SYNE2: variants seen among roughly 807,000 people sequenced by gnomAD.
SYNE2 encodes spectrin repeat containing nuclear envelope protein 2, also known as nesprin-2.
Under a neutral mutation model 856.3 loss-of-function variants are expected in SYNE2, and 431 were observed. That is an observed-to-expected ratio of 0.50 (90% CI 0.47 to 0.55). The LOEUF (loss-of-function observed/expected upper bound fraction) is 0.55. Ranked by LOEUF, SYNE2 falls within the 20% of genes least tolerant of loss-of-function variation. The pLI, the probability that SYNE2 is intolerant of heterozygous loss-of-function variation, is 0.00. For missense variants in SYNE2, 8,129 were observed against 8,023.2 expected (o/e 1.01, Z -0.50); for synonymous variants, 2,923 against 2,872.3 (o/e 1.02, Z -0.56).
Position 64,048,140 on chromosome 14 carries a change from A to G in SYNE2, c.7362A>G (p.Gln2454=). ...LELDTMLRNE[Q]LEEIEKLYTQ... Reference sequence around the variant, plus strand: ...TAGATACTATGTTAAGAAATGAACAATTAGAAGAGATAGAGGTATGGAAAC... The same window carrying G: ...TAGATACTATGTTAAGAAATGAACAGTTAGAAGAGATAGAGGTATGGAAAC... Residue 2454 remains glutamine, a synonymous_variant, in exon 46 of 116, where the codon CAA becomes CAG. Transcript: ENST00000555002. The G allele has an allele frequency of 6.2e-7, 1 of 1,613,304 alleles. No individual in the cohort carries two copies. Among genetic ancestry groups the G allele is most frequent in the Non-Finnish European group, 8.5e-7 (1 of 1,179,546 alleles).
chr14:64,146,102 C>T lies in SYNE2; in HGVS notation c.15518C>T (p.Thr5173Ile). The T allele has an allele frequency of 1.3e-6, 2 of 1,595,978 alleles. No individual in the cohort carries two copies. Among genetic ancestry groups the T allele is most frequent in the Non-Finnish European group, 1.7e-6 (2 of 1,168,030 alleles). Residue 5173 changes from threonine to isoleucine, a missense_variant, in exon 84 of 116, where the codon ACT (threonine) becomes ATT (isoleucine). Thr to Ile is a moderately conservative substitution (Grantham distance 89). Coordinates refer to ENST00000555002, the MANE Select transcript of SYNE2 (RefSeq NM_182914.3). ...TTAGAACAACTTCTAGAAAGTATCA[C>T]TGAGAGTGAAAATAAAATACAGATC... is the stretch of plus-strand genomic sequence containing the variant. ...QHLEQLLESI[T>I]ESENKIQILN...
In SYNE2 at chr14:63,982,519, CAAAAAAAAA is replaced by C. The variant is rs71444636; in HGVS notation, c.1837-101_1837-93del. 2.9e-5 allele frequency: 21 copies of C among 716,568 alleles called. 1 individual carries two copies. The South Asian group carries it at 4.2e-4, about 14-fold the overall frequency. The allele number at this position is 716,568 out of a possible 1,614,324, so 44.4% of individuals were successfully genotyped here. On this transcript the variant is annotated intron_variant, in intron 16 of 115. Transcript: ENST00000555002. ...TGGGCAACAGAGCAAGACTCCATCTCAAAAAAAAAAAAAAAAAAGAAAAGAAAAAAGCCT... is the reference window on the plus strand; with the variant it reads ...TGGGCAACAGAGCAAGACTCCATCTCAAAAAAAAAGAAAAGAAAAAAGCCT...
chr14:63,888,594 C>T (rs1250081856), intron 1 of SYNE2, among the ~76,000 whole-genome samples: 1 of 152,166 alleles, frequency 6.6e-6, no homozygotes, highest in Non-Finnish European at 1.5e-5. Context: ...AGGTGAGGTA[C>T]CCTATATCCC....
rs1595569980 is a variant in SYNE2, at chr14:64,107,714, C to G, written c.12609+107C>G. 9 of 908,608 alleles carry G rather than the reference C, an allele frequency of 9.9e-6. No individual in the cohort carries two copies. In the East Asian group the frequency reaches 2.2e-4, roughly 22 times the overall value. 56.3% of individuals were successfully genotyped at this position (908,608 alleles called of 1,614,324 possible). On this transcript the variant is annotated intron_variant, in intron 65 of 115. Transcript: ENST00000555002. ...TACCTTGTACGTCAAGCTAAGTGTTCCTTGTGAACTTTAACATATGAAGAT... is the reference window on the plus strand; with the variant it reads ...TACCTTGTACGTCAAGCTAAGTGTTGCTTGTGAACTTTAACATATGAAGAT...
intron 3 of SYNE2, among the ~76,000 whole-genome samples, chr14:63,941,473 A>G (rs910615492): frequency 4.6e-5 from 7 of 152,250 alleles, no homozygotes; most frequent in Non-Finnish European, 7.3e-5. Flanking sequence ...AGCTCCACGC[A>G]GAAAGGGTGT....
chr14:64,113,606 C>T, intron 66 of SYNE2, 35 bp downstream of exon 66: 10 of 1,563,370 alleles, frequency 6.4e-6, no homozygotes, highest in Non-Finnish European at 8.7e-6. Flanking sequence ...TGGTTTGCCT[C>T]TCCACCAATC....
intron 1 of SYNE2, among the ~76,000 whole-genome samples, chr14:63,765,510 GC>G (rs1228589430): frequency 3.3e-5 from 5 of 152,108 alleles, no homozygotes; most frequent in South Asian, 4.2e-4. Context: ...CCGCCACCAT[GC>G]CCGGCTAATT....
At chr14:63,859,368 A>G (rs778595840) in intron 1 of SYNE2, among the ~76,000 whole-genome samples, 29 of 151,820 alleles carry the variant, frequency 1.9e-4, no homozygotes, top group Non-Finnish European at 3.5e-4. Context: ...TTTGGGTTTA[A>G]TTTGTTCTTA....
At chr14:63,820,721 G>A (rs1044950534) in intron 1 of SYNE2, among the ~76,000 whole-genome samples, 1 of 151,582 alleles carries the variant, frequency 6.6e-6, no homozygotes, top group African/African-American at 2.4e-5. Context: ...GATGAGCTAG[G>A]TGGGGAATTG....
intron 90 of SYNE2, among the ~76,000 whole-genome samples, chr14:64,166,295 C>A (rs1446238604): frequency 6.6e-6 from 1 of 152,110 alleles, no homozygotes; most frequent in Non-Finnish European, 1.5e-5. Context: ...GCTACAGAGA[C>A]CATATGGCCC....
intron 8 of SYNE2, chr14:63,956,449 A>T: frequency 2.2e-6 from 1 of 456,634 alleles, no homozygotes; most frequent in South Asian, 1.5e-5. Context: ...ACTTCTGAAC[A>T]TTTAGCAGTC....
chr14:64,002,762 C>A lies in SYNE2; in HGVS notation c.3829C>A (p.Arg1277Ser), dbSNP rs530177448. The change falls in exon 30 of 116, where the codon CGC (arginine) becomes AGC (serine). Residue 1277 changes from arginine to serine, a missense_variant. Around this residue, in one of 3 missense-constraint regions of SYNE2, gnomAD observed 2,422 missense variants for 2,357.4 expected, o/e 1.03. Transcript: ENST00000555002. ...AGCAAAACAGATTGAAATATGTAAC[C>A]GCTTAGAAGAGCCAGGCAACTTTGT... ...SIAKQIEICN[R>S]LEEPGNFVLK... 1 of 1,613,350 alleles carries A rather than the reference C, an allele frequency of 6.2e-7. No individual in the cohort carries two copies. Among genetic ancestry groups the A allele is most frequent in the Non-Finnish European group, 8.5e-7 (1 of 1,179,918 alleles).
chr14:63,787,984 G>T (rs1420541949), intron 1 of SYNE2, among the ~76,000 whole-genome samples: 4 of 152,208 alleles, frequency 2.6e-5, no homozygotes, highest in African/African-American at 9.6e-5. Context: ...GCCGCCCTCA[G>T]CCCCCACTTG....
chr14:63,875,394 C>T (rs2094691768), intron 1 of SYNE2, among the ~76,000 whole-genome samples: 2 of 152,120 alleles, frequency 1.3e-5, no homozygotes, highest in African/African-American at 2.4e-5. Context: ...AAAGGTGATT[C>T]CCAAAACCCT....
chr14:63,906,276 G>A (rs189825480), intron 1 of SYNE2, among the ~76,000 whole-genome samples: 551 of 152,130 alleles, frequency 3.6e-3, no homozygotes, highest in Middle Eastern at 0.01. Context: ...TTTTTTAGTT[G>A]TGTCTTTGCC....
At position 64,025,209 on chromosome 14, in the gene SYNE2, G is replaced by T. The variant is rs961554467; in HGVS notation, c.6040G>T (p.Glu2014Ter). Residue 2014 changes from glutamate (E) to a stop codon, truncating the protein, a stop_gained, in exon 41 of 116, where the codon GAA becomes TAA. Coordinates refer to ENST00000555002, the MANE Select transcript of SYNE2 (RefSeq NM_182914.3). LOFTEE classifies it high-confidence loss of function. ...TACTGAAGAAGAAGAAATAATAATG[G>T]AAGCAACATGTTTGATGGATAGATA... Reference protein sequence around the residue: ...GFTEEEEIIMEATCLMDRYQT... With the variant: ...GFTEEEEIIM The T allele has an allele frequency of 5.0e-6, 8 of 1,613,960 alleles. No individual in the cohort carries two copies. Among genetic ancestry groups the T allele is most frequent in the Non-Finnish European group, 6.8e-6 (8 of 1,179,986 alleles).
At chr14:64,151,191 A>G (rs931341128) in intron 84 of SYNE2, among the ~76,000 whole-genome samples, 1 of 151,924 alleles carries the variant, frequency 6.6e-6, no homozygotes, top group African/African-American at 2.4e-5. Flanking sequence ...GACCCCTGAC[A>G]TTCATTGGTT....
At chr14:64,054,706 A>G (rs1231032451) in intron 48 of SYNE2, among the ~76,000 whole-genome samples, 1 of 151,984 alleles carries the variant, frequency 6.6e-6, no homozygotes, top group Non-Finnish European at 1.5e-5. Context: ...ACGCCAACAC[A>G]CTCCCTTCCC....
chr14:64,122,103 A>G lies in SYNE2; in HGVS notation c.13250A>G (p.Asp4417Gly), dbSNP rs1331475276. The G allele has an allele frequency of 2.5e-6, 4 of 1,614,206 alleles. No homozygotes were observed. The highest frequency in any genetic ancestry group is 1.1e-5 in the South Asian group (1 of 91,086). Residue 4417 changes from aspartate (D) to glycine (G), a missense_variant, in exon 69 of 116, where the codon GAT becomes GGT. By Grantham distance (94) the Asp-to-Gly change is moderately conservative. Coordinates refer to ENST00000555002, the MANE Select transcript of SYNE2 (RefSeq NM_182914.3). ...KKMWPQYCQH[D>G]NDTTQESSAS... ...ATGTGGCCCCAGTATTGCCAACATG[A>G]TAACGATACAACTCAGGAATCATCT... is the stretch of plus-strand genomic sequence containing the variant.
Sources: gnomAD v4.1 joint callset for allele counts (sites outside exome capture counted in the v4.1 genomes callset) on GRCh38, gnomAD v4.1.1 for gene constraint, gnomAD v4.1.1 regional missense constraint, MANE v1.5 for transcripts, NCBI Gene and HGNC (gene_info 2026-07-23, HGNC 2026-07-21) for gene names.